Variants in DNMT3B observed in about 807,000 individuals in gnomAD.
The protein encoded by DNMT3B is DNA methyltransferase 3 beta, also known as DNA (cytosine-5)-methyltransferase 3B.
Under a neutral mutation model 120.2 loss-of-function variants are expected in DNMT3B, and 37 were observed. That is an observed-to-expected ratio of 0.31 (90% CI 0.24 to 0.40). DNMT3B has a LOEUF of 0.40. Ranked by LOEUF, DNMT3B falls within the 10% of genes least tolerant of loss-of-function variation. The pLI is 1.00. For synonymous variants in DNMT3B, 412 were observed against 442.8 expected (o/e 0.93, Z 0.87); for missense variants, 878 against 1,137.3 (o/e 0.77, Z 3.28).
rs2146001543 is a variant in DNMT3B, at chr20:32,795,413, C to G, written c.1131C>G (p.Asn377Lys). The change falls in exon 11 of 23, where the codon AAC becomes AAG. Residue 377 changes from asparagine to lysine, a missense_variant. Asn to Lys is a moderately conservative substitution (Grantham distance 94). Transcript: ENST00000328111. ...CAGTCTAATTACCTTTCACAGAGAA[C>G]AAGACTCGAAGACGCACAGCTGACG... ...SRKLESRKYE[N>K]KTRRRTADDS... 1 of 1,614,104 alleles carries G rather than the reference C, an allele frequency of 6.2e-7. No individual in the cohort carries two copies. The highest frequency in any genetic ancestry group is 8.5e-7 in the Non-Finnish European group (1 of 1,180,000).
At chr20:32,768,439 G>T (rs551107772) in intron 1 of DNMT3B, among the ~76,000 whole-genome samples, 1 of 152,000 alleles carries the variant, frequency 6.6e-6, no homozygotes, top group Non-Finnish European at 1.5e-5. Flanking sequence ...TGATCCACCC[G>T]CCTCGGCCTA....
chr20:32,771,044 A>G (rs1987704210), intron 1 of DNMT3B, among the ~76,000 whole-genome samples: 2 of 152,076 alleles, frequency 1.3e-5, no homozygotes, highest in African/African-American at 4.8e-5. Context: ...TGTCCCTGGC[A>G]TCTTTTTTTT....
chr20:32,797,502 G>A (rs1222855908), intron 14 of DNMT3B, among the ~76,000 whole-genome samples: 1 of 152,170 alleles, frequency 6.6e-6, no homozygotes, highest in Non-Finnish European at 1.5e-5. Context: ...TATAGGGAAC[G>A]GCTCTTTTTT....
chr20:32,805,038 T>C (rs1981812910), intron 20 of DNMT3B, among the ~76,000 whole-genome samples: 1 of 152,186 alleles, frequency 6.6e-6, no homozygotes, highest in Non-Finnish European at 1.5e-5. Flanking sequence ...GTGAGCAGTG[T>C]GGAGCTGGGA....
chr20:32,762,622 C>G lies in DNMT3B; in HGVS notation c.-84C>G. ...TTCGCGAGCCCAGCGCCCTGCACGG[C>G]CGCCAGCCGGCCTCCCGCCAGCCAG... On this transcript the variant is annotated 5_prime_UTR_variant, in exon 1 of 23. Coordinates refer to ENST00000328111, the MANE Select transcript of DNMT3B (RefSeq NM_006892.4). 3.6e-6 allele frequency: 1 copy of G among 281,288 alleles called. No individual in the cohort carries two copies. Among genetic ancestry groups the G allele is most frequent in the Non-Finnish European group, 7.4e-6 (1 of 134,952 alleles). The allele number at this position is 281,288 out of a possible 1,614,324, so 17.4% of individuals were successfully genotyped here.
intron 1 of DNMT3B, among the ~76,000 whole-genome samples, chr20:32,769,425 A>G (rs1032926807): frequency 5.9e-5 from 9 of 152,264 alleles, no homozygotes; most frequent in Admixed American, 4.6e-4. Flanking sequence ...CTGCCAGCAC[A>G]TGGCTGAACC....
rs1987015446 is a variant in DNMT3B, at chr20:32,762,469, T to C, written c.-237T>C. ...CCGCGGCCGCAGCCCGCGTGGACGC[T>C]CCGAGCGCCCCCCGACGGACGGGAC... On this transcript the variant is annotated 5_prime_UTR_variant, in exon 1 of 23. Transcript: ENST00000328111. 2 of 175,140 alleles carry C rather than the reference T, an allele frequency of 1.1e-5. No individual in the cohort carries two copies. The highest frequency in any genetic ancestry group is 1.8e-4 in the East Asian group (1 of 5,508). The allele number at this position is 175,140 out of a possible 1,614,324, so 10.8% of individuals were successfully genotyped here.
chr20:32,802,352 G>A (rs775090152), intron 19 of DNMT3B, 33 bp from the exon 20 acceptor site: 1 of 1,608,598 alleles, frequency 6.2e-7, no homozygotes, highest in South Asian at 1.1e-5. Flanking sequence ...TCTAATAATA[G>A]GCTCCTAACA....
chr20:32,798,916 C>T (rs1023509907), intron 15 of DNMT3B, among the ~76,000 whole-genome samples: 1 of 152,308 alleles, frequency 6.6e-6, no homozygotes, highest in Non-Finnish European at 1.5e-5. Flanking sequence ...GTTAGCAGAG[C>T]TGAGAGGGAA....
intron 1 of DNMT3B, among the ~76,000 whole-genome samples, chr20:32,779,480 A>G (rs945054861): frequency 2.6e-5 from 4 of 152,364 alleles, no homozygotes; most frequent in Non-Finnish European, 4.4e-5. Context: ...GCAATGGGCC[A>G]GCCCAGAGGT....
At chr20:32,797,155 C>A in intron 13 of DNMT3B, 32 bp from the exon 14 acceptor site, 1 of 1,611,226 alleles carries the variant, frequency 6.2e-7, no homozygotes, top group Non-Finnish European at 8.5e-7. Flanking sequence ...CTCTGGTCTC[C>A]GATTTCACTG....
At chr20:32,763,866 G>A (rs1200138224) in intron 1 of DNMT3B, among the ~76,000 whole-genome samples, 2 of 152,212 alleles carry the variant, frequency 1.3e-5, no homozygotes, top group Admixed American at 1.3e-4. Flanking sequence ...ATTAAGGGCA[G>A]AGTATGAACT....
intron 20 of DNMT3B, 112 bp downstream of exon 20, chr20:32,802,582 C>T: frequency 8.7e-7 from 1 of 1,152,518 alleles, no homozygotes; most frequent in Non-Finnish European, 1.3e-6. Context: ...AATAGTTATA[C>T]TTGGATTTCA....
intron 3 of DNMT3B, 39 bp from the exon 4 acceptor site, chr20:32,784,719 C>A (rs755901740): frequency 1.1e-4 from 182 of 1,608,250 alleles, no homozygotes; most frequent in Non-Finnish European, 1.5e-4. Context: ...TGCTGATACC[C>A]TGGGGTCTTC....
intron 1 of DNMT3B, among the ~76,000 whole-genome samples, chr20:32,764,846 G>C (rs1313108815): frequency 5.3e-5 from 8 of 152,174 alleles, no homozygotes; most frequent in Non-Finnish European, 1.2e-4. Context: ...AGCTGCAGGG[G>C]TCTAAGGGAG....
At chr20:32,780,144 T>C (rs1010717734) in intron 1 of DNMT3B, 174 bp from the exon 2 acceptor site, 1 of 1,613,346 alleles carries the variant, frequency 6.2e-7, no homozygotes. Flanking sequence ...CCTCCAAGCT[T>C]GGTGAGGGGG....
chr20:32,779,790 G>A (rs1001577224), intron 1 of DNMT3B: 14 of 509,630 alleles, frequency 2.7e-5, no homozygotes, highest in Admixed American at 6.5e-5. Context: ...GCCATGGAGA[G>A]GAGAGAAGCG....
chr20:32,799,352 A>C, intron 16 of DNMT3B, 24 bp downstream of exon 16: 1 of 1,606,766 alleles, frequency 6.2e-7, no homozygotes, highest in Non-Finnish European at 8.5e-7. Flanking sequence ...ACACCTGGAG[A>C]CACTGCTATC....
In DNMT3B at chr20:32,792,693, A is replaced by T; in HGVS notation, c.989A>T (p.Lys330Met). 1.2e-6 allele frequency: 2 copies of T among 1,614,266 alleles called. No individual in the cohort carries two copies. The highest frequency in any genetic ancestry group is 1.7e-6 in the Non-Finnish European group (2 of 1,180,044). ...SPGDSLEDQL[K>M]PMLEWAHGGF... ...GGAGACTCATTGGAGGACCAGCTGAAGCCCATGTTGGAGTGGGCCCACGGG... is the reference window on the plus strand; with the variant it reads ...GGAGACTCATTGGAGGACCAGCTGATGCCCATGTTGGAGTGGGCCCACGGG... Residue 330 changes from lysine (K) to methionine (M), a missense_variant, in exon 9 of 23, where the codon AAG becomes ATG. Transcript: ENST00000328111.
Sources: allele counts gnomAD v4.1 joint callset (sites outside exome capture counted in the v4.1 genomes callset), GRCh38; gene constraint gnomAD v4.1.1; transcripts MANE v1.5; gene names NCBI Gene and HGNC (gene_info 2026-07-23, HGNC 2026-07-21).